Variants in AGAP1 observed in about 807,000 individuals in gnomAD.
The protein encoded by AGAP1 is arf-GAP with GTPase, ANK repeat and PH domain-containing protein 1.
A neutral mutation model predicts 105.3 loss-of-function variants in AGAP1; 29 were observed. That is an observed-to-expected ratio of 0.28 (90% CI 0.21 to 0.38). The LOEUF is 0.38. Ranked by LOEUF, AGAP1 falls within the 10% of genes least tolerant of loss-of-function variation. AGAP1 has a pLI of 1.00. For missense variants in AGAP1, 998 were observed against 1,165.1 expected (o/e 0.86, Z 2.09); for synonymous variants, 509 against 485.9 (o/e 1.05, Z -0.63).
chr2:235,788,030 C>T lies in AGAP1; in HGVS notation c.674-9729C>T, dbSNP rs1956754878. Among the ~76,000 whole-genome samples, 1 of 152,180 alleles carries T rather than the reference C, an allele frequency of 6.6e-6. No homozygotes were observed. The highest frequency in any genetic ancestry group is 1.9e-4 in the East Asian group (1 of 5,196). On this transcript the variant is annotated intron_variant, in intron 6 of 17. Coordinates refer to ENST00000304032, the MANE Select transcript of AGAP1 (RefSeq NM_001037131.3). The surrounding 1 kb of genome is among the most constrained non-coding windows in gnomAD (Gnocchi z 6.0). The stretch of plus-strand genomic sequence containing the variant: ...AAGTATTATACATTCTGGGACCTTC[C>T]TAGGCCATTGGCATCAACGCTGCAG...
chr2:235,795,158 A>G (rs1392475464), intron 6 of AGAP1, among the ~76,000 whole-genome samples: 2 of 152,154 alleles, frequency 1.3e-5, no homozygotes, highest in East Asian at 1.9e-4. Flanking sequence ...AGACACACCA[A>G]GCTTTTCCCT....
rs1020388740 is a variant in AGAP1 at position 236,040,246 on chromosome 2, C to T, written c.1801-505C>T. Among the ~76,000 whole-genome samples, 6 of 152,144 alleles carry T rather than the reference C, an allele frequency of 3.9e-5. No individual in the cohort carries two copies. The highest frequency in any genetic ancestry group is 1.3e-4 in the Admixed American group (2 of 15,278). ...CGAGTGGCTTTGTCACTGTGGCAAC[C>T]GAGGGTCTTCAGATGACATGTGCAT... On this transcript the variant is annotated intron_variant, in intron 14 of 17. Transcript: ENST00000304032. This position sits in a 1 kb window ranked among gnomAD's most constrained non-coding sequence, Gnocchi z 5.6.
intron 6 of AGAP1, among the ~76,000 whole-genome samples, chr2:235,756,297 T>C (rs937738877): frequency 3.3e-5 from 5 of 152,082 alleles, no homozygotes; most frequent in Non-Finnish European, 7.4e-5. Context: ...GGATCAGGGT[T>C]TTTTTGTTGG....
chr2:235,709,954 G>A (rs558862624), intron 2 of AGAP1, among the ~76,000 whole-genome samples: 2 of 152,268 alleles, frequency 1.3e-5, no homozygotes, highest in East Asian at 3.9e-4. Context: ...ATGTATATAT[G>A]TGTATATATG....
intron 16 of AGAP1, among the ~76,000 whole-genome samples, chr2:236,084,263 G>A (rs2058865422): frequency 6.6e-6 from 1 of 152,100 alleles, no homozygotes; most frequent in Admixed American, 6.5e-5. Context: ...TTAAACAAGT[G>A]TATTCAGTCT....
chr2:235,523,029 G>A (rs960558046), intron 1 of AGAP1, among the ~76,000 whole-genome samples: 21 of 152,250 alleles, frequency 1.4e-4, no homozygotes, highest in African/African-American at 2.6e-4. Context: ...CAGTTCTGGC[G>A]GTTGGGAGTC....
chr2:235,938,146 A>G (rs1052095670), intron 12 of AGAP1, among the ~76,000 whole-genome samples: 12 of 152,176 alleles, frequency 7.9e-5, no homozygotes, highest in Non-Finnish European at 1.5e-4. Context: ...ATGTGATGTA[A>G]CATTCATGGA....
rs1038422403 is a variant in AGAP1 at position 235,967,977 on chromosome 2, T to C, written c.1484-485T>C. On this transcript the variant is annotated intron_variant, in intron 12 of 17. Transcript: ENST00000304032. The surrounding 1 kb of genome is among the most constrained non-coding windows in gnomAD (Gnocchi z 4.7). Reference sequence around the variant, plus strand: ...CTGATAATAAAACAAGATGAAGTTATAGTCATCTGTAATATTGAGGCCGGA... The same window carrying C: ...CTGATAATAAAACAAGATGAAGTTACAGTCATCTGTAATATTGAGGCCGGA... Among the ~76,000 whole-genome samples, 6 of 152,224 alleles carry C rather than the reference T, an allele frequency of 3.9e-5. No individual in the cohort carries two copies. Among genetic ancestry groups the C allele is most frequent in the Admixed American group, 2.6e-4 (4 of 15,278 alleles).
chr2:236,103,947 C>T (rs527482322), intron 16 of AGAP1, among the ~76,000 whole-genome samples: 1 of 152,360 alleles, frequency 6.6e-6, no homozygotes, highest in African/African-American at 2.4e-5. Context: ...CAAGGGCTGA[C>T]CCAGGCATTG....
chr2:235,630,984 T>C (rs1378329194), intron 1 of AGAP1, among the ~76,000 whole-genome samples: 3 of 152,138 alleles, frequency 2.0e-5, no homozygotes, highest in Non-Finnish European at 2.9e-5. Context: ...CGGAAGCATA[T>C]TGTGAACACA....
At chr2:235,699,304 G>T (rs916838425) in intron 1 of AGAP1, among the ~76,000 whole-genome samples, 1 of 152,152 alleles carries the variant, frequency 6.6e-6, no homozygotes, top group African/African-American at 2.4e-5. Context: ...TGGTTGCGTT[G>T]TCTTGCTACA....
chr2:236,047,836 A>G (rs1463873300), intron 15 of AGAP1, among the ~76,000 whole-genome samples: 1 of 151,848 alleles, frequency 6.6e-6, no homozygotes, highest in East Asian at 2.0e-4. Flanking sequence ...TCCTGACCTC[A>G]GGTGATCCTC....
chr2:235,868,858 A>G (rs2049305701), intron 9 of AGAP1, among the ~76,000 whole-genome samples: 1 of 152,226 alleles, frequency 6.6e-6, no homozygotes, highest in African/African-American at 2.4e-5. Context: ...GACTAGACAA[A>G]GAATACACAT....
chr2:235,814,378 C>G (rs180897550), intron 9 of AGAP1, among the ~76,000 whole-genome samples: 1 of 152,224 alleles, frequency 6.6e-6, no homozygotes. Flanking sequence ...GAAATACAAG[C>G]TCTCCTACAA....
intron 11 of AGAP1, among the ~76,000 whole-genome samples, chr2:235,926,243 T>C (rs761271122): frequency 1.3e-5 from 2 of 152,228 alleles, no homozygotes; most frequent in African/African-American, 2.4e-5. Context: ...TAATTGGATA[T>C]GGAATGTGCA....
At chr2:235,858,861 A>T (rs1296749144) in intron 9 of AGAP1, among the ~76,000 whole-genome samples, 1 of 152,212 alleles carries the variant, frequency 6.6e-6, no homozygotes, top group Non-Finnish European at 1.5e-5. Context: ...AGTATTTGCC[A>T]CTGTAATTGA....
chr2:235,720,091 G>A lies in AGAP1; in HGVS notation c.310+2447G>A, dbSNP rs112461495. ...TGGCAGGAGGGAGCCATAACTTGTT[G>A]TAATGTCACTTGTAATGAAGGGAGC... On this transcript the variant is annotated intron_variant, in intron 3 of 17. Coordinates refer to ENST00000304032, the MANE Select transcript of AGAP1 (RefSeq NM_001037131.3). This position sits in a 1 kb window ranked among gnomAD's most constrained non-coding sequence, Gnocchi z 5.0. 5.9e-5 allele frequency among the ~76,000 whole-genome samples: 9 copies of A among 152,254 alleles called. No homozygotes were observed. Among genetic ancestry groups the A allele is most frequent in the African/African-American group, 2.2e-4 (9 of 41,558 alleles).
chr2:236,107,801 C>T (rs532605829), intron 16 of AGAP1, among the ~76,000 whole-genome samples: 65 of 152,330 alleles, frequency 4.3e-4, no homozygotes, highest in African/African-American at 1.4e-3. Flanking sequence ...CTGCACCTGC[C>T]GGGGGATCTG....
At chr2:235,670,550 C>T (rs1183341064) in intron 1 of AGAP1, 5 of 485,132 alleles carry the variant, frequency 1.0e-5, no homozygotes, top group African/African-American at 6.2e-5. Flanking sequence ...GCCCCTGCGG[C>T]GGAGCCTGAG....
Sources: gnomAD v4.1 joint callset for allele counts (sites outside exome capture counted in the v4.1 genomes callset) on GRCh38, gnomAD v4.1.1 for gene constraint, Gnocchi (gnomAD v3.1) non-coding constraint, MANE v1.5 for transcripts, NCBI Gene and HGNC (gene_info 2026-07-23, HGNC 2026-07-21) for gene names.